Variants in RNF150 observed in about 807,000 individuals in gnomAD.
RNF150 encodes the protein ring finger protein 150.
In RNF150, 24 loss-of-function variants were observed where a neutral mutation model predicts 39.3. That is an observed-to-expected ratio of 0.61 (90% CI 0.44 to 0.86). RNF150 has a LOEUF of 0.86. RNF150 is among the 40% of genes least tolerant of loss of function. The pLI is 0.00. For missense variants in RNF150, 502 were observed against 587.8 expected, an observed-to-expected ratio of 0.85 and a Z score of 1.51; for synonymous variants, 255 against 227.3, an observed-to-expected ratio of 1.12 and a Z score of -1.10.
intron 1 of RNF150, among the ~76,000 whole-genome samples, chr4:141,012,177 A>G (rs934403921): frequency 2.1e-4 from 32 of 152,266 alleles, no homozygotes; most frequent in African/African-American, 7.5e-4. Context: ...AGAGCTTATG[A>G]AAGCTCCCAA....
At chr4:141,107,273 C>T (rs1034816770) in intron 1 of RNF150, among the ~76,000 whole-genome samples, 1 of 152,176 alleles carries the variant, frequency 6.6e-6, no homozygotes, top group Non-Finnish European at 1.5e-5. Flanking sequence ...TTAGCAAATG[C>T]TTTTATAGCA....
intron 1 of RNF150, among the ~76,000 whole-genome samples, chr4:140,977,059 C>T (rs758279474): frequency 1.2e-4 from 19 of 152,034 alleles, no homozygotes; most frequent in Non-Finnish European, 2.4e-4. Context: ...GAAAAAATAC[C>T]CACAAGAGGC....
chr4:140,954,347 TG>T (rs1732662632), intron 2 of RNF150, among the ~76,000 whole-genome samples: 2 of 152,154 alleles, frequency 1.3e-5, no homozygotes, highest in Non-Finnish European at 2.9e-5. Context: ...CCTGAGTAGC[TG>T]GGACTACAGG....
intron 1 of RNF150, among the ~76,000 whole-genome samples, chr4:141,181,355 A>T (rs182939350): frequency 3.1e-4 from 47 of 152,358 alleles, no homozygotes; most frequent in African/African-American, 8.7e-4. Flanking sequence ...AATAGAATCC[A>T]TATAATATTC....
chr4:140,918,153 C>T (rs1231286092), intron 5 of RNF150, among the ~76,000 whole-genome samples: 2 of 152,096 alleles, frequency 1.3e-5, no homozygotes, highest in African/African-American at 4.8e-5. Flanking sequence ...AGAGCAAACA[C>T]ATTTGAAAGC....
intron 1 of RNF150, among the ~76,000 whole-genome samples, chr4:141,179,192 C>T (rs572855399): frequency 6.6e-5 from 10 of 152,188 alleles, no homozygotes; most frequent in South Asian, 2.1e-4. Context: ...AGCACCTGGT[C>T]GTTGATTGGT....
chr4:141,034,393 T>G (rs540734185), intron 1 of RNF150, among the ~76,000 whole-genome samples: 96 of 152,288 alleles, frequency 6.3e-4, no homozygotes, highest in African/African-American at 1.9e-3. Context: ...GGTTTAATCT[T>G]CTACCTAGAC....
intron 1 of RNF150, among the ~76,000 whole-genome samples, chr4:141,112,931 T>C (rs1739434352): frequency 6.6e-6 from 1 of 152,156 alleles, no homozygotes; most frequent in Non-Finnish European, 1.5e-5. Flanking sequence ...TCGTTTTCAT[T>C]CTTTTTTCTC....
intron 1 of RNF150, among the ~76,000 whole-genome samples, chr4:141,116,357 G>A (rs189980689): frequency 2.0e-4 from 30 of 152,290 alleles, no homozygotes; most frequent in African/African-American, 7.0e-4. Context: ...CTTCTCAAAA[G>A]ACATTTATGC....
At chr4:140,904,147 T>C (rs1416766431) in intron 6 of RNF150, among the ~76,000 whole-genome samples, 2 of 152,142 alleles carry the variant, frequency 1.3e-5, no homozygotes, top group East Asian at 1.9e-4. Flanking sequence ...GAAGCTGCCA[T>C]GGAGATGGTG....
intron 4 of RNF150, among the ~76,000 whole-genome samples, chr4:140,937,612 A>C (rs1170510275): frequency 6.6e-6 from 1 of 152,072 alleles, no homozygotes; most frequent in Admixed American, 6.6e-5. Flanking sequence ...TTTATTGCTG[A>C]ATGAGAAAGT....
chr4:140,956,813 C>T (rs1412847350), intron 2 of RNF150, among the ~76,000 whole-genome samples: 1 of 152,014 alleles, frequency 6.6e-6, no homozygotes, highest in Non-Finnish European at 1.5e-5. Context: ...GAAAGGATTC[C>T]CTATTTAATA....
At chr4:141,129,826 T>C (rs1726845457) in intron 1 of RNF150, among the ~76,000 whole-genome samples, 1 of 152,184 alleles carries the variant, frequency 6.6e-6, no homozygotes, top group East Asian at 1.9e-4. Flanking sequence ...AATTTCAAGA[T>C]ACACAAATGC....
At chr4:141,106,921 G>A (rs1739230841) in intron 1 of RNF150, among the ~76,000 whole-genome samples, 1 of 152,124 alleles carries the variant, frequency 6.6e-6, no homozygotes, top group East Asian at 1.9e-4. Context: ...AAATCAGGTA[G>A]AGGAAAGCAC....
intron 1 of RNF150, among the ~76,000 whole-genome samples, chr4:141,078,901 A>G (rs183689581): frequency 0.012 from 1,724 of 145,266 alleles, 56 homozygotes; most frequent in African/African-American, 0.044. Context: ...ATATATATAC[A>G]CATACATATA....
chr4:140,873,480 A>G (rs1394392718), intron 6 of RNF150, among the ~76,000 whole-genome samples: 1 of 152,192 alleles, frequency 6.6e-6, no homozygotes, highest in Non-Finnish European at 1.5e-5. Flanking sequence ...TCATTGATTC[A>G]TTTCCTCATT....
At chr4:141,065,932 T>C (rs1432366018) in intron 1 of RNF150, among the ~76,000 whole-genome samples, 1 of 152,122 alleles carries the variant, frequency 6.6e-6, no homozygotes, top group Non-Finnish European at 1.5e-5. Flanking sequence ...CCTCTCTCTT[T>C]ATGCAGTAAA....
chr4:140,882,620 T>A (rs1729419039), intron 6 of RNF150, among the ~76,000 whole-genome samples: 1 of 152,206 alleles, frequency 6.6e-6, no homozygotes, highest in South Asian at 2.1e-4. Flanking sequence ...GGTAAATATA[T>A]ATTAATAATT....
At chr4:141,000,047 G>GAAAAGAAGAAAAGAAGAAAAGAAGAA (rs1473881714) in intron 1 of RNF150, among the ~76,000 whole-genome samples, 1 of 90,528 alleles carries the variant, frequency 1.1e-5, no homozygotes, top group Admixed American at 1.2e-4. Flanking sequence ...AGAAGAAGAA[G>GAAAAGAAGAAAAGAAGAAAAGAAGAA]AAGAAGAAGA....
Sources: allele counts gnomAD v4.1 joint callset (sites outside exome capture counted in the v4.1 genomes callset), GRCh38; gene constraint gnomAD v4.1.1; transcripts MANE v1.5; gene names NCBI Gene and HGNC (gene_info 2026-07-23, HGNC 2026-07-21).